KCNAB2: variants seen among roughly 807,000 people sequenced by gnomAD.
The protein encoded by KCNAB2 is voltage-gated potassium channel subunit beta-2.
KCNAB2 carries 29 observed loss-of-function variants against 63.6 expected under a neutral mutation model. That is an observed-to-expected ratio of 0.46 (90% confidence interval 0.34 to 0.62). The LOEUF is 0.62. Among genes scored for constraint, KCNAB2 ranks in the 20% least tolerant of loss-of-function variants. The pLI, the probability that KCNAB2 is intolerant of heterozygous loss-of-function variation, is 0.01. For missense variants in KCNAB2, 359 were observed against 563.9 expected (o/e 0.64, Z 3.68); for synonymous variants, 222 against 224.2 (o/e 0.99, Z 0.09).
chr1:6,043,330 G>T (rs1319238347), upstream of KCNAB2, among the ~76,000 whole-genome samples: 1 of 152,132 alleles, frequency 6.6e-6, no homozygotes, highest in African/African-American at 2.4e-5. Context: ...CCTAGGAGGG[G>T]CCAAGTAAAT....
intron 3 of KCNAB2, 98 bp downstream of exon 3, chr1:6,072,896 A>C (rs985956276): frequency 2.9e-5 from 33 of 1,155,320 alleles, no homozygotes; most frequent in Non-Finnish European, 3.9e-5. Context: ...AGGGTGGCCC[A>C]AACCTTGGCA....
rs377705753 is a variant in KCNAB2 at position 6,082,245 on chromosome 1, C to T, written c.351C>T (p.Phe117=). 1.5e-5 allele frequency: 25 copies of T among 1,613,676 alleles called. No individual in the cohort carries two copies. The highest frequency in any genetic ancestry group is 1.5e-4 in the African/African-American group (11 of 74,854). ...TLAYDNGINL[F]DTAEVYAAGK... ...CCTATGATAATGGCATCAACCTCTT[C>T]GATACAGCAGAAGTCTACGCAGCCG... Residue 117 remains phenylalanine (F), a synonymous_variant, in exon 5 of 16, where the codon TTC becomes TTT. Transcript: ENST00000378083.
rs774578139 is a variant in KCNAB2, at chr1:6,047,280, C to T, written c.-27+1097C>T. Among the ~76,000 whole-genome samples, 5 of 152,256 alleles carry T rather than the reference C, an allele frequency of 3.3e-5. No homozygotes were observed. The South Asian group carries it at 6.2e-4, about 19-fold the overall frequency. ...CTCTCTCCTCCCTGCAGTGTCTTAC[C>T]GGGGGGCCCTTCGTCCAAGGACCTG... On this transcript the variant is annotated intron_variant, in intron 1 of 15. Transcript: ENST00000378083.
At chr1:6,050,808 C>T (rs565833351) in intron 1 of KCNAB2, among the ~76,000 whole-genome samples, 1 of 152,378 alleles carries the variant, frequency 6.6e-6, no homozygotes, top group African/African-American at 2.4e-5. Context: ...CTCTCCTCCG[C>T]AACCTGCTTA....
At chr1:6,004,966 G>A (rs1657486478) in intron 1 of KCNAB2, among the ~76,000 whole-genome samples, 1 of 137,656 alleles carries the variant, frequency 7.3e-6, no homozygotes, top group African/African-American at 2.8e-5. Flanking sequence ...TGGGAGCTGA[G>A]CTGAGGGATG....
intron 4 of KCNAB2, among the ~76,000 whole-genome samples, chr1:6,075,699 A>G (rs573632462): frequency 6.6e-6 from 1 of 152,348 alleles, no homozygotes; most frequent in Admixed American, 6.5e-5. Flanking sequence ...ACCGTCCTGG[A>G]CTGCTTTTTT....
chr1:6,012,157 AGGTGGAGGTGGTG>A (rs1209258483), intron 1 of KCNAB2, among the ~76,000 whole-genome samples: 1 of 144,154 alleles, frequency 6.9e-6, no homozygotes, highest in African/African-American at 2.6e-5. Context: ...GAGGTGATGA[AGGTGGAGGTGGTG>A]GGTGGAGGTG....
chr1:6,058,625 C>G (rs1376043125), intron 2 of KCNAB2, among the ~76,000 whole-genome samples: 4 of 152,240 alleles, frequency 2.6e-5, no homozygotes, highest in Admixed American at 2.0e-4. Flanking sequence ...CAGTCGCTGT[C>G]CAGGCACCTG....
intron 11 of KCNAB2, among the ~76,000 whole-genome samples, chr1:6,094,715 C>G (rs762223018): frequency 2.0e-5 from 3 of 152,222 alleles, no homozygotes; most frequent in Non-Finnish European, 4.4e-5. Context: ...AATGGCTTAA[C>G]GTCTCTGAGC....
At chr1:6,033,318 G>T (rs1272497542), upstream of KCNAB2, among the ~76,000 whole-genome samples, 1 of 149,844 alleles carries the variant, frequency 6.7e-6, no homozygotes, top group African/African-American at 2.5e-5. Context: ...TGTGTGCATT[G>T]CATGTGTGCC....
At chr1:6,097,002 A>ATTACG (rs1206470325) in intron 14 of KCNAB2, among the ~76,000 whole-genome samples, 1 of 152,158 alleles carries the variant, frequency 6.6e-6, no homozygotes, top group Non-Finnish European at 1.5e-5. Flanking sequence ...TGCCAGCCAT[A>ATTACG]GGTAATGGGG....
At chr1:6,095,466 C>T in intron 12 of KCNAB2, 23 bp downstream of exon 12, 1 of 1,605,432 alleles carries the variant, frequency 6.2e-7, no homozygotes, top group Non-Finnish European at 8.5e-7. Flanking sequence ...GGGCCCCTCG[C>T]CCCGCCCCAC....
At chr1:6,054,699 A>C (rs114207476) in intron 2 of KCNAB2, among the ~76,000 whole-genome samples, 2,859 of 152,290 alleles carry the variant, frequency 0.019, 76 homozygotes, top group African/African-American at 0.064. Context: ...CCTGGTGTAC[A>C]TCTTATGTAA....
intron 1 of KCNAB2, among the ~76,000 whole-genome samples, chr1:6,021,806 T>TCAGTGGTATTGAGGGTAAAGTG (rs1422735186): frequency 1.8e-3 from 257 of 143,510 alleles, no homozygotes; most frequent in South Asian, 5.2e-3. Flanking sequence ...AGTGTACAGT[T>TCAGTGGTATTGAGGGTAAAGTG]CAGTGGTATT....
chr1:5,997,978 C>T (rs1478306210), intron 1 of KCNAB2, among the ~76,000 whole-genome samples: 2 of 152,250 alleles, frequency 1.3e-5, no homozygotes, highest in Non-Finnish European at 2.9e-5. Flanking sequence ...GCAGTGACCA[C>T]ATGCCTGGAA....
intron 1 of KCNAB2, among the ~76,000 whole-genome samples, chr1:6,022,901 T>TG: frequency 1.3e-5 from 2 of 149,560 alleles, no homozygotes; most frequent in African/African-American, 4.9e-5. Context: ...TTTTTTTTTT[T>TG]TGAGACAGGG....
rs1388239676 is a variant in KCNAB2, at chr1:6,003,078, C to T, written c.-53+10290C>T. On this transcript the variant is annotated intron_variant, in intron 1 of 16. Coordinates refer to the KCNAB2 transcript ENST00000341524. This position sits in a 1 kb window ranked among gnomAD's most constrained non-coding sequence, Gnocchi z 4.1. ...TGACCGCAGCAGACGCCTGATCCTG[C>T]GCCCCAGGCGACCCGTTCACGGGGC... 2.6e-5 allele frequency among the ~76,000 whole-genome samples: 4 copies of T among 152,230 alleles called. No homozygotes were observed. The highest frequency in any genetic ancestry group is 7.2e-5 in the African/African-American group (3 of 41,460).
chr1:6,055,049 G>T (rs902410244), intron 2 of KCNAB2, among the ~76,000 whole-genome samples: 1 of 152,176 alleles, frequency 6.6e-6, no homozygotes, highest in Non-Finnish European at 1.5e-5. Context: ...GCCACGAGAT[G>T]CTGGAAGGGA....
At chr1:6,083,885 A>G (rs1398910848) in intron 5 of KCNAB2, among the ~76,000 whole-genome samples, 1 of 152,238 alleles carries the variant, frequency 6.6e-6, no homozygotes, top group African/African-American at 2.4e-5. Context: ...TCACAGCCAG[A>G]GCCACAAGCC....
Sources: allele counts gnomAD v4.1 joint callset (sites outside exome capture counted in the v4.1 genomes callset), GRCh38; gene constraint gnomAD v4.1.1; non-coding constraint Gnocchi (gnomAD v3.1); transcripts MANE v1.5; gene names NCBI Gene and HGNC (gene_info 2026-07-23, HGNC 2026-07-21).